The following AKAP6 variants were observed in gnomAD, a reference collection of about 807,000 sequenced individuals.
AKAP6 encodes the protein A-kinase anchoring protein 6.
In AKAP6, 58 loss-of-function variants were observed where a neutral mutation model predicts 188.5. The ratio of observed to expected loss-of-function variants is 0.31; its 90% confidence interval spans 0.25 to 0.38. The LOEUF (loss-of-function observed/expected upper bound fraction) is 0.38. Among genes scored for constraint, AKAP6 ranks in the 10% least tolerant of loss-of-function variants. AKAP6 has a pLI of 1.00. For synonymous variants in AKAP6, 989 were observed against 998.6 expected (o/e 0.99, Z 0.18); for missense variants, 2,710 against 2,740.0 (o/e 0.99, Z 0.24).
chr14:32,573,622 G>A (rs945756425), intron 4 of AKAP6, among the ~76,000 whole-genome samples: 1 of 152,166 alleles, frequency 6.6e-6, no homozygotes, highest in Non-Finnish European at 1.5e-5. Flanking sequence ...GTCTAGTAGT[G>A]TGCTTTTTCA....
intron 3 of AKAP6, among the ~76,000 whole-genome samples, chr14:32,537,766 GTTA>G (rs1484508297): frequency 2.0e-5 from 3 of 152,166 alleles, no homozygotes; most frequent in Non-Finnish European, 4.4e-5. Context: ...AGGGTTTGTT[GTTA>G]TTATTGTTCT....
intron 7 of AKAP6, among the ~76,000 whole-genome samples, chr14:32,652,317 G>A (rs1409762708): frequency 2.0e-5 from 3 of 152,026 alleles, no homozygotes; most frequent in African/African-American, 7.3e-5. Flanking sequence ...AAGAACTGCT[G>A]CATCTTCCTC....
At chr14:32,629,805 T>A (rs1306454444) in intron 7 of AKAP6, among the ~76,000 whole-genome samples, 1 of 150,984 alleles carries the variant, frequency 6.6e-6, no homozygotes, top group Non-Finnish European at 1.5e-5. Flanking sequence ...CCGGGCACAG[T>A]GGCTCATGCC....
At chr14:32,615,539 T>C (rs1010349985) in intron 7 of AKAP6, among the ~76,000 whole-genome samples, 13 of 151,812 alleles carry the variant, frequency 8.6e-5, no homozygotes, top group Non-Finnish European at 1.9e-4. Context: ...TCTCTACCTA[T>C]TGAATCTCAC....
In AKAP6 at chr14:32,433,958, A is replaced by G. The variant is rs1336468271; in HGVS notation, c.324+141A>G. On this transcript the variant is annotated intron_variant, in intron 2 of 13. Coordinates refer to ENST00000280979, the MANE Select transcript of AKAP6 (RefSeq NM_004274.5). ...AGGTTTCAAACCATTATCTTTAGAG[A>G]TAAACATGGAAATAATTAATTCTTC... The G allele has an allele frequency of 4.2e-6, 3 of 721,848 alleles. No homozygotes were observed. The East Asian group carries it at 8.1e-5, about 20-fold the overall frequency. 44.7% of individuals were successfully genotyped at this position (721,848 alleles called of 1,614,324 possible).
chr14:32,348,006 T>C (rs1887123279), intron 1 of AKAP6, among the ~76,000 whole-genome samples: 1 of 152,190 alleles, frequency 6.6e-6, no homozygotes, highest in Admixed American at 6.5e-5. Flanking sequence ...CTGAGGGACA[T>C]TTGTGTGTAG....
At chr14:32,460,264 A>T (rs1891278613) in intron 2 of AKAP6, among the ~76,000 whole-genome samples, 1 of 152,202 alleles carries the variant, frequency 6.6e-6, no homozygotes, top group African/African-American at 2.4e-5. Flanking sequence ...CAGGATAGAG[A>T]GGGAGACAGA....
rs1464954367 is a variant in AKAP6, at chr14:32,829,972, G to T, written c.*167G>T. 1.4e-6 allele frequency: 1 copy of T among 702,484 alleles called. No homozygotes were observed. Among genetic ancestry groups the T allele is most frequent in the Non-Finnish European group, 2.6e-6 (1 of 384,748 alleles). The allele number at this position is 702,484 out of a possible 1,614,324, so 43.5% of individuals were successfully genotyped here. On this transcript the variant is annotated 3_prime_UTR_variant, in exon 14 of 14. Coordinates refer to ENST00000280979, the MANE Select transcript of AKAP6 (RefSeq NM_004274.5). ...CCCAAGATGAATCTTCCTTCCAAAT[G>T]TGTTTTCTCCACACAAGCCTTGTGA...
intron 2 of AKAP6, 29 bp downstream of exon 2, chr14:32,433,846 A>C: frequency 1.3e-6 from 2 of 1,585,366 alleles, no homozygotes; most frequent in Non-Finnish European, 1.7e-6. Flanking sequence ...TCCTCTCAGG[A>C]TAGAAGTTTT....
At chr14:32,344,737 G>A (rs911203948) in intron 1 of AKAP6, among the ~76,000 whole-genome samples, 6 of 152,098 alleles carry the variant, frequency 3.9e-5, no homozygotes, top group Non-Finnish European at 5.9e-5. Flanking sequence ...CCAACATGGC[G>A]AAACCCCGTC....
At chr14:32,522,097 C>T (rs915961129) in intron 2 of AKAP6, among the ~76,000 whole-genome samples, 5 of 152,134 alleles carry the variant, frequency 3.3e-5, no homozygotes, top group African/African-American at 1.2e-4. Context: ...GAAAGGATTC[C>T]CTATTTAATA....
At chr14:32,815,609 T>A (rs1481634666) in intron 12 of AKAP6, among the ~76,000 whole-genome samples, 8 of 152,198 alleles carry the variant, frequency 5.3e-5, no homozygotes, top group Non-Finnish European at 2.9e-5. Flanking sequence ...GTAAGGGGCC[T>A]AATCAATGTT....
intron 1 of AKAP6, among the ~76,000 whole-genome samples, chr14:32,399,700 T>C (rs1889017067): frequency 6.6e-6 from 1 of 152,228 alleles, no homozygotes; most frequent in Non-Finnish European, 1.5e-5. Context: ...TTGAGGATGA[T>C]AGAAGCTGGA....
chr14:32,470,049 G>C (rs1227246410), intron 2 of AKAP6, among the ~76,000 whole-genome samples: 1 of 152,098 alleles, frequency 6.6e-6, no homozygotes, highest in Non-Finnish European at 1.5e-5. Context: ...AATATAAAAT[G>C]ATGTCATATT....
intron 1 of AKAP6, among the ~76,000 whole-genome samples, chr14:32,347,632 T>G (rs1887110653): frequency 6.6e-6 from 1 of 152,242 alleles, no homozygotes; most frequent in African/African-American, 2.4e-5. Context: ...TTTTTCAATT[T>G]GTGAGTGGGG....
chr14:32,703,859 T>C (rs1890709322), intron 9 of AKAP6, among the ~76,000 whole-genome samples: 1 of 152,210 alleles, frequency 6.6e-6, no homozygotes. Flanking sequence ...TGCTGTGATG[T>C]GAAGCACATC....
intron 2 of AKAP6, among the ~76,000 whole-genome samples, chr14:32,532,706 A>G (rs1882476997): frequency 6.6e-6 from 1 of 152,180 alleles, no homozygotes; most frequent in Non-Finnish European, 1.5e-5. Flanking sequence ...CTAGGTATGT[A>G]AGATATTCTG....
chr14:32,579,084 T>C (rs528049038), intron 5 of AKAP6, among the ~76,000 whole-genome samples: 1 of 152,304 alleles, frequency 6.6e-6, no homozygotes, highest in African/African-American at 2.4e-5. Flanking sequence ...TTTTTAATTT[T>C]ACTTGACATA....
intron 5 of AKAP6, among the ~76,000 whole-genome samples, chr14:32,585,182 A>G (rs1041430457): frequency 1.1e-4 from 16 of 152,208 alleles, no homozygotes; most frequent in Admixed American, 5.2e-4. Flanking sequence ...GTTGTTATGC[A>G]TACCTAATTC....
Sources: gnomAD v4.1 joint callset for allele counts (sites outside exome capture counted in the v4.1 genomes callset) on GRCh38, gnomAD v4.1.1 for gene constraint, MANE v1.5 for transcripts, NCBI Gene and HGNC (gene_info 2026-07-23, HGNC 2026-07-21) for gene names.